The following CCNH variants were observed in gnomAD, a reference collection of about 807,000 sequenced individuals.
CCNH encodes cyclin H.
In CCNH, 31 loss-of-function variants were observed where a neutral mutation model predicts 41.9. That is an observed-to-expected ratio of 0.74 (90% CI 0.56 to 1.00). The LOEUF is 1.00. Ranked by LOEUF, CCNH falls within the 50% of genes least tolerant of loss-of-function variation. The pLI, the probability that CCNH is intolerant of heterozygous loss-of-function variation, is 0.00. For synonymous variants in CCNH, 138 were observed against 136.1 expected, an observed-to-expected ratio of 1.01 and a Z score of -0.10; for missense variants, 362 against 388.4, an observed-to-expected ratio of 0.93 and a Z score of 0.57.
intron 9 of CCNH, among the ~76,000 whole-genome samples, chr5:87,320,866 AAAC>A (rs2112334537): frequency 6.6e-6 from 1 of 152,362 alleles, no homozygotes; most frequent in South Asian, 2.1e-4. Context: ...GACAAGGTGA[AAAC>A]AAGGTAGTAT....
downstream of CCNH, among the ~76,000 whole-genome samples, chr5:87,373,767 A>G (rs1761119671): frequency 6.6e-6 from 1 of 152,182 alleles, no homozygotes; most frequent in Non-Finnish European, 1.5e-5. Flanking sequence ...AATCTTCCAG[A>G]TAAGTATTAT....
intron 9 of CCNH, among the ~76,000 whole-genome samples, chr5:87,338,534 A>ATATATATATATATATATATATATATAT (rs1561292504): frequency 8.7e-5 from 4 of 46,098 alleles, no homozygotes; most frequent in Non-Finnish European, 1.4e-4. Flanking sequence ...TATATATATA[A>ATATATATATATATATATATATATATAT]AATTTTTTTT....
downstream of CCNH, chr5:87,374,147 A>ATTT: frequency 2.0e-6 from 2 of 1,006,728 alleles, no homozygotes; most frequent in Middle Eastern, 3.8e-4. Flanking sequence ...ATATATATAT[A>ATTT]TTTTTTTTTT....
At chr5:87,396,839 G>GA (rs1178447066) in intron 7 of CCNH, among the ~76,000 whole-genome samples, 1 of 151,894 alleles carries the variant, frequency 6.6e-6, no homozygotes, top group East Asian at 1.9e-4. Context: ...ATGCAAAGAA[G>GA]AAAAAAACGC....
intron 8 of CCNH, chr5:87,394,799 A>AG: frequency 7.4e-7 from 1 of 1,348,186 alleles, no homozygotes; most frequent in Non-Finnish European, 9.5e-7. Context: ...GCAAAAATGT[A>AG]GTATGTATAC....
At chr5:87,395,252 T>C (rs1580434467) in intron 7 of CCNH, 148 bp from the exon 8 acceptor site, 1 of 552,534 alleles carries the variant, frequency 1.8e-6, no homozygotes, top group East Asian at 2.9e-5. Flanking sequence ...AGCTATGGGG[T>C]AGGGAAAATG....
chr5:87,359,271 A>G (rs765245079), intron 9 of CCNH, among the ~76,000 whole-genome samples: 11 of 152,170 alleles, frequency 7.2e-5, no homozygotes, highest in African/African-American at 2.7e-4. Context: ...GCTTGGTTCA[A>G]TGGCTGTTAG....
intron 9 of CCNH, among the ~76,000 whole-genome samples, chr5:87,385,742 T>A (rs1762018872): frequency 6.6e-6 from 1 of 152,036 alleles, no homozygotes; most frequent in South Asian, 2.1e-4. Flanking sequence ...TTTATTTTTT[T>A]AAACACCTAC....
intron 9 of CCNH, among the ~76,000 whole-genome samples, chr5:87,344,375 T>C (rs902188942): frequency 1.1e-4 from 17 of 152,300 alleles, no homozygotes; most frequent in African/African-American, 3.8e-4. Context: ...TTGAATCTTA[T>C]ACTGATTCTC....
At chr5:87,409,629 C>CGTGTGTGTGTGTGTGT (rs71610500) in intron 2 of CCNH, among the ~76,000 whole-genome samples, 24 of 146,084 alleles carry the variant, frequency 1.6e-4, no homozygotes, top group Non-Finnish European at 2.9e-4. Flanking sequence ...TTTAAAAATA[C>CGTGTGTGTGTGTGTGT]GTGTGTGTGT....
intron 9 of CCNH, among the ~76,000 whole-genome samples, chr5:87,323,025 C>T (rs149400683): frequency 6.6e-6 from 1 of 152,014 alleles, no homozygotes; most frequent in African/African-American, 2.4e-5. Context: ...TTAAGCCTGG[C>T]GTTTAGGAAG....
At chr5:87,395,539 A>G (rs1477569227) in intron 7 of CCNH, among the ~76,000 whole-genome samples, 1 of 152,182 alleles carries the variant, frequency 6.6e-6, no homozygotes, top group Non-Finnish European at 1.5e-5. Flanking sequence ...ATGTGTGATA[A>G]GAAGTGTTTC....
downstream of CCNH, among the ~76,000 whole-genome samples, chr5:87,313,925 T>C (rs1483489014): frequency 1.3e-5 from 2 of 151,894 alleles, no homozygotes; most frequent in East Asian, 3.9e-4. Flanking sequence ...CCCAGCACTT[T>C]GGGAGGCTGA....
At chr5:87,378,459 A>G, upstream of CCNH, 1 of 1,612,012 alleles carries the variant, frequency 6.2e-7, no homozygotes, top group Non-Finnish European at 8.5e-7. Context: ...CAGTATATGA[A>G]AGCCACTGCT....
chr5:87,365,801 T>G (rs577709804), intron 9 of CCNH, among the ~76,000 whole-genome samples: 1 of 152,072 alleles, frequency 6.6e-6, no homozygotes, highest in Non-Finnish European at 1.5e-5. Context: ...GAAGGTCCTA[T>G]GGAAATGCTA....
rs1205386973 is a variant in CCNH, at chr5:87,411,465, G to A, written c.118-119C>T. The A allele has an allele frequency of 7.2e-6, 6 of 838,966 alleles. No homozygotes were observed. In the Admixed American group the frequency reaches 1.4e-4, roughly 20 times the overall value. 52.0% of individuals were successfully genotyped at this position (838,966 alleles called of 1,614,324 possible). The stretch of plus-strand genomic sequence containing the variant: ...ATATCCAACGAAGGGTATATATCAC[G>A]CCTCATTTTCTTTATAGATTCGCTA... On this transcript the variant is annotated intron_variant, in intron 1 of 8. Transcript: ENST00000256897.
At chr5:87,346,100 A>G (rs1190144192) in intron 9 of CCNH, among the ~76,000 whole-genome samples, 1 of 152,136 alleles carries the variant, frequency 6.6e-6, no homozygotes, top group Non-Finnish European at 1.5e-5. Flanking sequence ...TAAAATACAT[A>G]GCAACCTAGT....
chr5:87,331,272 A>G (rs1246433964), intron 9 of CCNH: 1 of 1,395,630 alleles, frequency 7.2e-7, no homozygotes, highest in Non-Finnish European at 1.0e-6. Flanking sequence ...AACCTCTAGT[A>G]GTATGTTTTT....
chr5:87,404,411 A>ATAT (rs962461801), intron 5 of CCNH, among the ~76,000 whole-genome samples: 30 of 152,324 alleles, frequency 2.0e-4, no homozygotes, highest in African/African-American at 5.5e-4. Context: ...AAAGGTCATA[A>ATAT]ATTGAGAAAC....
Sources: gnomAD v4.1 joint callset for allele counts (sites outside exome capture counted in the v4.1 genomes callset) on GRCh38, gnomAD v4.1.1 for gene constraint, MANE v1.5 for transcripts, NCBI Gene and HGNC (gene_info 2026-07-23, HGNC 2026-07-21) for gene names.